The following IMMP2L variants were observed in gnomAD, a reference collection of about 807,000 sequenced individuals.
IMMP2L encodes the protein inner mitochondrial membrane peptidase subunit 2.
A neutral mutation model predicts 19.3 loss-of-function variants in IMMP2L; 18 were observed. The ratio of observed to expected loss-of-function variants is 0.93; its 90% CI spans 0.64 to 1.38. The LOEUF (loss-of-function observed/expected upper bound fraction) is 1.38. IMMP2L is among the 40% of genes most tolerant of loss of function. The pLI, the probability that IMMP2L is intolerant of heterozygous loss-of-function variation, is 0.00. For synonymous variants in IMMP2L, 76 were observed against 73.0 expected, an observed-to-expected ratio of 1.04 and a Z score of -0.21; for missense variants, 233 against 218.2, an observed-to-expected ratio of 1.07 and a Z score of -0.43.
Position 111,123,664 on chromosome 7 carries a change from A to G in IMMP2L, c.240-160099T>C. The stretch of plus-strand genomic sequence containing the variant: ...GGGGATAAATAATATGCCTGAGCTG[A>G]TTTCCATCGATAGTCTTGCTGTGGA... On this transcript the variant is annotated intron_variant, in intron 3 of 5. Coordinates refer to ENST00000405709, the MANE Select transcript of IMMP2L (RefSeq NM_032549.4). This position sits in a 1 kb window ranked among gnomAD's most constrained non-coding sequence, Gnocchi z 6.4. The G allele has an allele frequency of 6.2e-7, 1 of 1,613,958 alleles. No homozygotes were observed. Among genetic ancestry groups the G allele is most frequent in the Non-Finnish European group, 8.5e-7 (1 of 1,179,968 alleles).
intron 3 of IMMP2L, among the ~76,000 whole-genome samples, chr7:111,010,592 T>C (rs561640995): frequency 2.0e-4 from 30 of 152,264 alleles, no homozygotes; most frequent in Admixed American, 1.7e-3. Context: ...GATCACAGTT[T>C]ACGAAATTGT....
intron 5 of IMMP2L, among the ~76,000 whole-genome samples, chr7:110,884,681 C>T (rs1158506424): frequency 2.0e-5 from 3 of 151,954 alleles, no homozygotes; most frequent in African/African-American, 4.8e-5. Flanking sequence ...TTTTCACTTG[C>T]GAGTTGCTAC....
intron 3 of IMMP2L, among the ~76,000 whole-genome samples, chr7:111,141,478 T>C (rs979048626): frequency 2.6e-5 from 4 of 151,578 alleles, no homozygotes; most frequent in African/African-American, 7.3e-5. Flanking sequence ...CTACAGATAA[T>C]CACTGCCTTA....
At chr7:111,192,640 A>C (rs1809017205) in intron 3 of IMMP2L, among the ~76,000 whole-genome samples, 1 of 152,154 alleles carries the variant, frequency 6.6e-6, no homozygotes, top group African/African-American at 2.4e-5. Flanking sequence ...TGCCTTGTCC[A>C]TCCAGATGGA....
chr7:111,344,954 T>C (rs763791231), intron 3 of IMMP2L, among the ~76,000 whole-genome samples: 6 of 151,988 alleles, frequency 3.9e-5, no homozygotes, highest in Non-Finnish European at 7.4e-5. Context: ...TGGAGGAGAA[T>C]ATGAGGCAAA....
chr7:111,371,725 T>G (rs527286633), intron 3 of IMMP2L, among the ~76,000 whole-genome samples: 3 of 152,068 alleles, frequency 2.0e-5, no homozygotes, highest in African/African-American at 7.2e-5. Context: ...CAAATATATA[T>G]AGCATATACT....
chr7:110,980,430 G>A (rs1478406216), intron 3 of IMMP2L, among the ~76,000 whole-genome samples: 4 of 151,236 alleles, frequency 2.6e-5, no homozygotes, highest in East Asian at 1.9e-4. Context: ...GGGTTTCACC[G>A]TGGTCTCGAT....
chr7:111,054,836 C>T (rs560496911), intron 3 of IMMP2L, among the ~76,000 whole-genome samples: 83 of 152,064 alleles, frequency 5.5e-4, no homozygotes, highest in East Asian at 1.9e-3. Context: ...TATGTCTTCC[C>T]GATGTGATAA....
rs534048578 is a variant in IMMP2L at position 110,978,865 on chromosome 7, C to T, written c.240-15300G>A. Among the ~76,000 whole-genome samples the T allele has an allele frequency of 5.9e-5, 9 of 152,016 alleles. No homozygotes were observed. The South Asian group carries it at 1.7e-3, about 28-fold the overall frequency. ...AAGTTGTATACCAAAAACACGAAGCCCTGTTTAATAAAAATGGAAAAAGCT... is the reference window on the plus strand; with the variant it reads ...AAGTTGTATACCAAAAACACGAAGCTCTGTTTAATAAAAATGGAAAAAGCT... On this transcript the variant is annotated intron_variant, in intron 3 of 5. Coordinates refer to ENST00000405709, the MANE Select transcript of IMMP2L (RefSeq NM_032549.4).
At chr7:111,474,518 T>A (rs1315560391) in intron 3 of IMMP2L, among the ~76,000 whole-genome samples, 2 of 152,040 alleles carry the variant, frequency 1.3e-5, no homozygotes, top group East Asian at 3.9e-4. Flanking sequence ...GCTTTTTTTT[T>A]TCAGTATGCT....
At chr7:111,217,122 TCTCTCACACACA>T (rs1195778116) in intron 3 of IMMP2L, among the ~76,000 whole-genome samples, 1 of 140,396 alleles carries the variant, frequency 7.1e-6, no homozygotes, top group African/African-American at 2.8e-5. Flanking sequence ...TCTCTCTCTC[TCTCTCACACACA>T]CACACACACA....
rs551803512 is a variant in IMMP2L, at chr7:110,818,915, A to T, written c.408+67678T>A. 2.6e-3 allele frequency among the ~76,000 whole-genome samples: 350 copies of T among 134,738 alleles called. 2 individuals carry two copies. The highest frequency in any genetic ancestry group is 9.2e-3 in the African/African-American group (330 of 35,760). 88.4% of individuals were successfully genotyped at this position (134,738 alleles called of 152,430 possible). On this transcript the variant is annotated intron_variant, in intron 5 of 5. Transcript: ENST00000405709. ...CATAGGTGGGAATTGAACAATGAGAACACATGGACACAGGAAGGGGAACAT... is the reference window on the plus strand; with the variant it reads ...CATAGGTGGGAATTGAACAATGAGATCACATGGACACAGGAAGGGGAACAT...
intron 3 of IMMP2L, among the ~76,000 whole-genome samples, chr7:111,285,350 T>C (rs1256597196): frequency 6.6e-6 from 1 of 152,072 alleles, no homozygotes; most frequent in East Asian, 1.9e-4. Flanking sequence ...TAATTAGCAA[T>C]GTTTCCTTGG....
intron 3 of IMMP2L, among the ~76,000 whole-genome samples, chr7:111,414,655 G>A (rs952437655): frequency 1.3e-5 from 2 of 151,760 alleles, no homozygotes; most frequent in African/African-American, 4.9e-5. Flanking sequence ...GAACCCTAAT[G>A]TATAGACTTT....
At chr7:110,734,145 G>C (rs1796460391) in intron 5 of IMMP2L, among the ~76,000 whole-genome samples, 2 of 152,194 alleles carry the variant, frequency 1.3e-5, no homozygotes, top group Non-Finnish European at 1.5e-5. Flanking sequence ...GCCATGAACA[G>C]AGGGGCATTG....
chr7:110,939,859 A>T (rs1441640686), intron 4 of IMMP2L, among the ~76,000 whole-genome samples: 1 of 152,176 alleles, frequency 6.6e-6, no homozygotes, highest in Admixed American at 6.6e-5. Context: ...TGACACAGCA[A>T]AAGAAGGGAA....
chr7:111,023,059 T>C lies in IMMP2L; in HGVS notation c.240-59494A>G, dbSNP rs541829839. 2.6e-5 allele frequency among the ~76,000 whole-genome samples: 4 copies of C among 152,304 alleles called. No individual in the cohort carries two copies. In the South Asian group the frequency reaches 6.2e-4, roughly 24 times the overall value. ...CATACATAATGTAGCAGTAAAACTG[T>C]TGACAGCATTCCATGGTCACAGAAG... On this transcript the variant is annotated intron_variant, in intron 3 of 5. Transcript: ENST00000405709.
rs538819225 is a variant in IMMP2L, at chr7:111,126,659, TA to T, written c.240-163095del. On this transcript the variant is annotated intron_variant, in intron 3 of 5. Coordinates refer to ENST00000405709, the MANE Select transcript of IMMP2L (RefSeq NM_032549.4). ...ATATAGGGAATATACGGATTTCACTTAAAAAAAAAGAGAATTAAGATTTTTG... is the reference window on the plus strand; with the variant it reads ...ATATAGGGAATATACGGATTTCACTTAAAAAAAAGAGAATTAAGATTTTTG... 7.1e-3 allele frequency among the ~76,000 whole-genome samples: 1,076 copies of T among 151,016 alleles called. 9 individuals are homozygous for T. Among genetic ancestry groups the T allele is most frequent in the Middle Eastern group, 0.021 (6 of 292 alleles).
intron 5 of IMMP2L, among the ~76,000 whole-genome samples, chr7:110,764,374 A>G (rs1290336479): frequency 6.6e-6 from 1 of 152,134 alleles, no homozygotes; most frequent in Admixed American, 6.5e-5. Flanking sequence ...TTTTAAATTC[A>G]TTTAATCATA....
Sources: allele counts gnomAD v4.1 joint callset (sites outside exome capture counted in the v4.1 genomes callset), GRCh38; gene constraint gnomAD v4.1.1; non-coding constraint Gnocchi (gnomAD v3.1); transcripts MANE v1.5; gene names NCBI Gene and HGNC (gene_info 2026-07-23, HGNC 2026-07-21).